Variants in FGF12 observed in about 807,000 individuals in gnomAD.
FGF12 encodes fibroblast growth factor 12, also known as fibroblast growth factor 12B.
A neutral mutation model predicts 23.6 loss-of-function variants in FGF12; 14 were observed. The ratio of observed to expected loss-of-function variants is 0.59; its 90% CI spans 0.39 to 0.93. The LOEUF is 0.93. FGF12 is among the 40% of genes least tolerant of loss of function. The pLI, the probability that FGF12 is intolerant of heterozygous loss-of-function variation, is 0.00. For missense variants in FGF12, 175 were observed against 217.8 expected, an observed-to-expected ratio of 0.80 and a Z score of 1.24; for synonymous variants, 62 against 77.3, an observed-to-expected ratio of 0.80 and a Z score of 1.04.
chr3:192,520,119 C>T (rs1210561162), intron 2 of FGF12, among the ~76,000 whole-genome samples: 2 of 152,194 alleles, frequency 1.3e-5, no homozygotes, highest in Non-Finnish European at 1.5e-5. Context: ...CTCTCAGGTC[C>T]TCTCAGCAGA....
At chr3:192,449,075 C>T (rs777662143) in intron 2 of FGF12, among the ~76,000 whole-genome samples, 3 of 152,160 alleles carry the variant, frequency 2.0e-5, no homozygotes, top group African/African-American at 4.8e-5. Context: ...TCAGTCCTTC[C>T]GATACCTGCG....
At chr3:192,297,469 A>G (rs1211007092) in intron 4 of FGF12, among the ~76,000 whole-genome samples, 1 of 152,206 alleles carries the variant, frequency 6.6e-6, no homozygotes, top group Non-Finnish European at 1.5e-5. Flanking sequence ...AGAAAAGAAT[A>G]TATAAGACTC....
At chr3:192,232,574 G>C (rs1719080089) in intron 4 of FGF12, among the ~76,000 whole-genome samples, 1 of 147,142 alleles carries the variant, frequency 6.8e-6, no homozygotes, top group Admixed American at 6.8e-5. Context: ...TTAGGTCCAG[G>C]GGGTACATGT....
rs564636844 is a variant in FGF12, at chr3:192,712,055, A to G, written c.13+15126T>C. 2.6e-5 allele frequency among the ~76,000 whole-genome samples: 4 copies of G among 152,082 alleles called. No individual in the cohort carries two copies. The South Asian group carries it at 8.3e-4, about 32-fold the overall frequency. On this transcript the variant is annotated intron_variant, in intron 2 of 5. Coordinates refer to ENST00000445105, the MANE Select transcript of FGF12 (RefSeq NM_004113.6). ...ATAAAACTGAACAATTAAAGAAAAC[A>G]GACAAATAAGCCTCTTGGAAATTAA...
intron 2 of FGF12, among the ~76,000 whole-genome samples, chr3:192,425,626 G>A (rs868009447): frequency 6.6e-6 from 1 of 152,106 alleles, no homozygotes; most frequent in Non-Finnish European, 1.5e-5. Flanking sequence ...AGCTTATTGG[G>A]TCAAGAAAAT....
At chr3:192,171,474 C>G (rs757076102) in intron 4 of FGF12, among the ~76,000 whole-genome samples, 1 of 152,210 alleles carries the variant, frequency 6.6e-6, no homozygotes, top group Admixed American at 6.5e-5. Context: ...ATCACAGTCT[C>G]TCAGGCTCAC....
At chr3:192,413,016 T>C (rs1721242134) in intron 2 of FGF12, among the ~76,000 whole-genome samples, 1 of 152,218 alleles carries the variant, frequency 6.6e-6, no homozygotes, top group Non-Finnish European at 1.5e-5. Context: ...AATTGTCAAA[T>C]GCACATCAAA....
chr3:192,624,409 G>A (rs1249619897), intron 2 of FGF12, among the ~76,000 whole-genome samples: 2 of 151,950 alleles, frequency 1.3e-5, no homozygotes, highest in Non-Finnish European at 2.9e-5. Flanking sequence ...CAATACCAGC[G>A]AATGCTACAG....
At chr3:192,418,460 A>C (rs926976898) in intron 2 of FGF12, among the ~76,000 whole-genome samples, 4 of 152,112 alleles carry the variant, frequency 2.6e-5, no homozygotes, top group Admixed American at 6.5e-5. Flanking sequence ...TGAACCACAG[A>C]AAAATATCAA....
intron 2 of FGF12, among the ~76,000 whole-genome samples, chr3:192,604,056 T>C (rs982133337): frequency 2.6e-5 from 4 of 152,130 alleles, no homozygotes; most frequent in African/African-American, 9.7e-5. Flanking sequence ...ATAGTCTTTG[T>C]GAGGAAAAGA....
At chr3:192,364,305 T>C (rs182249390) in intron 2 of FGF12, among the ~76,000 whole-genome samples, 1 of 152,342 alleles carries the variant, frequency 6.6e-6, no homozygotes, top group Non-Finnish European at 1.5e-5. Context: ...TTTTCCAGTT[T>C]ATATGACTCC....
At chr3:192,457,168 A>G (rs1169326391) in intron 2 of FGF12, among the ~76,000 whole-genome samples, 1 of 152,208 alleles carries the variant, frequency 6.6e-6, no homozygotes, top group Non-Finnish European at 1.5e-5. Context: ...TGTAAGTCCA[A>G]CTAAACCTCT....
chr3:192,152,526 T>C, intron 5 of FGF12, among the ~76,000 whole-genome samples: 1 of 150,878 alleles, frequency 6.6e-6, no homozygotes, highest in African/African-American at 2.4e-5. Flanking sequence ...TTTGTTCTTG[T>C]TGGTTTCAAA....
chr3:192,417,259 C>T (rs1721386102), intron 2 of FGF12, among the ~76,000 whole-genome samples: 1 of 151,278 alleles, frequency 6.6e-6, no homozygotes, highest in Non-Finnish European at 1.5e-5. Context: ...CGTAACTGGC[C>T]TTTAAAAGAT....
intron 2 of FGF12, among the ~76,000 whole-genome samples, chr3:192,543,836 C>T (rs1274555630): frequency 6.6e-6 from 1 of 152,168 alleles, no homozygotes; most frequent in East Asian, 1.9e-4. Flanking sequence ...ATGGGGCCCT[C>T]AGGACTCTGC....
intron 2 of FGF12, among the ~76,000 whole-genome samples, chr3:192,402,121 A>G (rs2108771447): frequency 6.6e-6 from 1 of 152,360 alleles, no homozygotes; most frequent in East Asian, 1.9e-4. Flanking sequence ...CTTAAGTTAA[A>G]CAAACAAACA....
chr3:192,344,479 T>C (rs1015752513), intron 3 of FGF12, among the ~76,000 whole-genome samples: 3 of 152,204 alleles, frequency 2.0e-5, no homozygotes, highest in African/African-American at 7.2e-5. Context: ...TAAGTTATAT[T>C]GGTTCACTGC....
chr3:192,669,342 C>T (rs1717017769), intron 2 of FGF12, among the ~76,000 whole-genome samples: 1 of 152,014 alleles, frequency 6.6e-6, no homozygotes, highest in Non-Finnish European at 1.5e-5. Flanking sequence ...AATCCCAGCA[C>T]TTTGGGAAGC....
intron 4 of FGF12, among the ~76,000 whole-genome samples, chr3:192,181,364 G>GACAC (rs200578658): frequency 4.1e-4 from 58 of 142,864 alleles, no homozygotes; most frequent in East Asian, 3.2e-3. Context: ...CACACACACA[G>GACAC]ACACACACAC....
Sources: gnomAD v4.1 joint callset for allele counts (sites outside exome capture counted in the v4.1 genomes callset) on GRCh38, gnomAD v4.1.1 for gene constraint, MANE v1.5 for transcripts, NCBI Gene and HGNC (gene_info 2026-07-23, HGNC 2026-07-21) for gene names.